NAALAD2: variants seen among roughly 807,000 people sequenced by gnomAD.
NAALAD2 encodes N-acetylated-alpha-linked acidic dipeptidase 2.
NAALAD2 carries 89 observed loss-of-function variants against 95.6 expected under a neutral mutation model. The ratio of observed to expected loss-of-function variants is 0.93; its 90% CI spans 0.78 to 1.11. The LOEUF (loss-of-function observed/expected upper bound fraction) is 1.11, where lower values mean the gene tolerates loss of function less well. Ranked by LOEUF, NAALAD2 falls within the 50% of genes least tolerant of loss-of-function variation. The pLI is 0.00. For synonymous variants in NAALAD2, 264 were observed against 294.4 expected, an observed-to-expected ratio of 0.90 and a Z score of 1.06; for missense variants, 894 against 872.4, an observed-to-expected ratio of 1.02 and a Z score of -0.31.
chr11:90,175,619 GT>G (rs34723010), intron 14 of NAALAD2, among the ~76,000 whole-genome samples: 20,957 of 152,010 alleles, frequency 0.14, 2,111 homozygotes, highest in Admixed American at 0.31. Flanking sequence ...CGTCTTCATT[GT>G]TTTCCCCTCT....
chr11:90,133,331 G>C (rs1468729879), upstream of NAALAD2, among the ~76,000 whole-genome samples: 1 of 152,114 alleles, frequency 6.6e-6, no homozygotes, highest in Non-Finnish European at 1.5e-5. Flanking sequence ...TATTTACAAT[G>C]GCCACTATTT....
chr11:90,188,300 A>G (rs1234172351), intron 18 of NAALAD2, among the ~76,000 whole-genome samples: 1 of 152,240 alleles, frequency 6.6e-6, no homozygotes, highest in Admixed American at 6.5e-5. Context: ...AAAACATTGT[A>G]CATATTTTAA....
At chr11:90,147,575 T>C in intron 3 of NAALAD2, 59 bp downstream of exon 3, 2 of 1,411,244 alleles carry the variant, frequency 1.4e-6, no homozygotes, top group South Asian at 1.3e-5. Context: ...ATGTGGATTG[T>C]AATGTAGGGT....
chr11:90,147,253 G>A, intron 2 of NAALAD2, 77 bp from the exon 3 acceptor site: 1 of 1,093,728 alleles, frequency 9.1e-7, no homozygotes, highest in South Asian at 1.5e-5. Flanking sequence ...TGCATAAGTA[G>A]TGCATTTAGA....
chr11:90,139,803 A>T (rs1951558759), intron 2 of NAALAD2, among the ~76,000 whole-genome samples: 2 of 152,186 alleles, frequency 1.3e-5, no homozygotes, highest in South Asian at 4.1e-4. Context: ...GCAAAAGAAC[A>T]AAGTTTTCAC....
intron 18 of NAALAD2, among the ~76,000 whole-genome samples, chr11:90,186,696 A>C (rs1301252357): frequency 1.3e-5 from 2 of 148,332 alleles, no homozygotes; most frequent in Admixed American, 6.8e-5. Context: ...TAAAGACTTA[A>C]ACGTTAGACC....
chr11:90,142,966 G>A (rs4387320), intron 2 of NAALAD2, among the ~76,000 whole-genome samples: 67,723 of 151,244 alleles, frequency 0.45, 16,069 homozygotes, highest in African/African-American at 0.61. Flanking sequence ...AATACAAAAT[G>A]GAGAAACTCA....
At position 90,150,565 on chromosome 11, in the gene NAALAD2, G is replaced by A. The variant is rs1481642275; in HGVS notation, c.567G>A (p.Lys189=). 1 of 1,605,134 alleles carries A rather than the reference G, an allele frequency of 6.2e-7. No homozygotes were observed. The highest frequency in any genetic ancestry group is 8.5e-7 in the Non-Finnish European group (1 of 1,173,308). ...AGATGGGCATCAACTGTACTGGGAA[G>A]ATTGTTATTGCAAGATATGGAAAAA... ...EREMGINCTG[K]IVIARYGKIF... The change falls in exon 5 of 19, where the codon AAG becomes AAA. Residue 189 remains lysine (K), a synonymous_variant. Transcript: ENST00000534061.
intron 4 of NAALAD2, 61 bp downstream of exon 4, chr11:90,149,168 G>A: frequency 4.7e-6 from 5 of 1,062,594 alleles, no homozygotes; most frequent in East Asian, 2.6e-5. Context: ...TGTAAAACCT[G>A]TATGGAGGAC....
chr11:90,186,100 A>G (rs1364706994), intron 18 of NAALAD2, among the ~76,000 whole-genome samples: 3 of 151,992 alleles, frequency 2.0e-5, no homozygotes, highest in African/African-American at 4.8e-5. Flanking sequence ...ATATGTATAC[A>G]TGTGCCATGC....
At chr11:90,188,026 C>G (rs2094525837) in intron 18 of NAALAD2, among the ~76,000 whole-genome samples, 1 of 152,140 alleles carries the variant, frequency 6.6e-6, no homozygotes, top group Admixed American at 6.5e-5. Flanking sequence ...AGGAAAGTGA[C>G]ATACAGAAAA....
In NAALAD2 at chr11:90,152,392, G is replaced by A. The variant is rs767585417; in HGVS notation, c.704G>A (p.Gly235Glu). ...CCTGAGGTACAGCCATATCCCAAAG[G>A]ATGGAATCTTCCTGGAACTGCAGCC... ...FAPEVQPYPK[G>E]WNLPGTAAQR... is the part of the protein sequence containing the mutation. The change falls in exon 6 of 19, where the codon GGA becomes GAA. Residue 235 changes from glycine (G) to glutamate (E), a missense_variant. Transcript: ENST00000534061. 1.4e-5 allele frequency: 23 copies of A among 1,613,802 alleles called. No homozygotes were observed. The highest frequency in any genetic ancestry group is 1.0e-4 in the Admixed American group (6 of 59,980).
chr11:90,177,000 C>T (rs951462071), intron 15 of NAALAD2, among the ~76,000 whole-genome samples: 1 of 152,034 alleles, frequency 6.6e-6, no homozygotes, highest in Non-Finnish European at 1.5e-5. Flanking sequence ...TTTCTAAGAC[C>T]ACTTTAGATT....
At chr11:90,141,368 G>A (rs1375438657) in intron 2 of NAALAD2, among the ~76,000 whole-genome samples, 2 of 152,120 alleles carry the variant, frequency 1.3e-5, no homozygotes, top group Non-Finnish European at 2.9e-5. Flanking sequence ...AACGTGGTAT[G>A]TTTCCAATTG....
chr11:90,175,817 G>A (rs1309420356), intron 14 of NAALAD2, among the ~76,000 whole-genome samples, 155 bp from the exon 15 acceptor site: 1 of 152,160 alleles, frequency 6.6e-6, no homozygotes, highest in East Asian at 1.9e-4. Context: ...AAAATGTCTT[G>A]ATGGTGGTTG....
intron 2 of NAALAD2, among the ~76,000 whole-genome samples, chr11:90,138,757 T>TTTTTTTTTTTTTTTG: frequency 9.1e-6 from 1 of 109,504 alleles, no homozygotes; most frequent in Non-Finnish European, 1.8e-5. Flanking sequence ...TTTTTTTTTT[T>TTTTTTTTTTTTTTTG]TTGCCATATT....
intron 6 of NAALAD2, 56 bp downstream of exon 6, chr11:90,152,540 A>G: frequency 7.3e-7 from 1 of 1,368,604 alleles, no homozygotes; most frequent in East Asian, 2.3e-5. Flanking sequence ...TTGCCCTTTT[A>G]GAAGGAATAC....
intron 1 of NAALAD2, 137 bp downstream of exon 1, chr11:90,134,977 AC>A (rs1385861230): frequency 2.4e-6 from 2 of 827,508 alleles, no homozygotes; most frequent in East Asian, 5.1e-5. Context: ...TAAACTCTGC[AC>A]ATTTCAGCAA....
chr11:90,177,600 T>G (rs1952836806), intron 15 of NAALAD2, among the ~76,000 whole-genome samples: 2 of 69,396 alleles, frequency 2.9e-5, no homozygotes, highest in Admixed American at 1.7e-4. Context: ...TTTTTTTTTT[T>G]TTTTTTTTTT....
Sources: allele counts gnomAD v4.1 joint callset (sites outside exome capture counted in the v4.1 genomes callset), GRCh38; gene constraint gnomAD v4.1.1; transcripts MANE v1.5; gene names NCBI Gene and HGNC (gene_info 2026-07-23, HGNC 2026-07-21).